The following MICALL1 variants were observed in gnomAD, a reference collection of about 807,000 sequenced individuals.
The protein encoded by MICALL1 is MICAL-like protein 1.
In MICALL1, 61 loss-of-function variants were observed where a neutral mutation model predicts 83.7. That is an observed-to-expected ratio of 0.73 (90% CI 0.59 to 0.90). The LOEUF is 0.90. Ranked by LOEUF, MICALL1 falls within the 40% of genes least tolerant of loss-of-function variation. The pLI, the probability that MICALL1 is intolerant of heterozygous loss-of-function variation, is 0.00. For synonymous variants in MICALL1, 481 were observed against 473.6 expected, an observed-to-expected ratio of 1.02 and a Z score of -0.20; for missense variants, 1,066 against 1,152.0, an observed-to-expected ratio of 0.93 and a Z score of 1.08.
chr22:37,930,255 G>A lies in MICALL1; in HGVS notation c.1882-1544G>A, dbSNP rs927975759. ...AGAGGGAGGGGGCAGAACCCCGGGT[G>A]CACTTGCTTGTGGGGAACCCCTGTC... On this transcript the variant is annotated intron_variant, in intron 9 of 15. Transcript: ENST00000215957. This position sits in a 1 kb window ranked among gnomAD's most constrained non-coding sequence, Gnocchi z 4.8. Among the ~76,000 whole-genome samples the A allele has an allele frequency of 1.3e-5, 2 of 152,218 alleles. No individual in the cohort carries two copies. Among genetic ancestry groups the A allele is most frequent in the Non-Finnish European group, 2.9e-5 (2 of 68,028 alleles).
chr22:37,941,164 C>T lies in MICALL1; in HGVS notation c.*334C>T, dbSNP rs1371616638. 1 of 231,374 alleles carries T rather than the reference C, an allele frequency of 4.3e-6. No individual in the cohort carries two copies. Among genetic ancestry groups the T allele is most frequent in the African/African-American group, 2.2e-5 (1 of 45,188 alleles). 14.3% of individuals were successfully genotyped at this position (231,374 alleles called of 1,614,324 possible). ...TGAGCACTTCCGCCCCTCACCCTGC[C>T]CAGCCCCTGCCATGAGCTCTGGGCT... On this transcript the variant is annotated 3_prime_UTR_variant, in exon 16 of 16. Transcript: ENST00000215957.
At chr22:37,939,700 G>C (rs1262590551) in intron 15 of MICALL1, among the ~76,000 whole-genome samples, 1 of 151,338 alleles carries the variant, frequency 6.6e-6, no homozygotes, top group Non-Finnish European at 1.5e-5. Flanking sequence ...CCTGAACCCA[G>C]GTGGCAGAGG....
At chr22:37,938,418 A>AAT (rs1555927932) in intron 15 of MICALL1, among the ~76,000 whole-genome samples, 228 of 151,468 alleles carry the variant, frequency 1.5e-3, no homozygotes, top group African/African-American at 5.3e-3. Context: ...AAAAAAAAAA[A>AAT]AAGTACTGGA....
intron 1 of MICALL1, 133 bp from the exon 2 acceptor site, chr22:37,911,819 C>A: frequency 3.6e-6 from 3 of 842,302 alleles, no homozygotes; most frequent in Non-Finnish European, 6.1e-6. Context: ...AGACTCCCCC[C>A]CAGCAACCCT....
In MICALL1 at chr22:37,924,185, G is replaced by A. The variant is rs1929272622; in HGVS notation, c.1025-475G>A. On this transcript the variant is annotated intron_variant, in intron 6 of 15. Transcript: ENST00000215957. The surrounding 1 kb of genome is among the most constrained non-coding windows in gnomAD (Gnocchi z 5.2). ...ATCTGAGCTGACCGCTGGGGACACAGATTACTGTTCAGGCCTATCTGTGCC... is the reference window on the plus strand; with the variant it reads ...ATCTGAGCTGACCGCTGGGGACACAAATTACTGTTCAGGCCTATCTGTGCC... Among the ~76,000 whole-genome samples the A allele has an allele frequency of 6.6e-6, 1 of 152,222 alleles. No individual in the cohort carries two copies. The highest frequency in any genetic ancestry group is 1.5e-5 in the Non-Finnish European group (1 of 68,044).
At chr22:37,936,185 G>T (rs1333639973) in intron 13 of MICALL1, among the ~76,000 whole-genome samples, 1 of 152,186 alleles carries the variant, frequency 6.6e-6, no homozygotes, top group Non-Finnish European at 1.5e-5. Context: ...GTTGGCTGGG[G>T]CCTTGAGAGG....
At chr22:37,933,632 G>C (rs917351896) in intron 13 of MICALL1, among the ~76,000 whole-genome samples, 1 of 152,180 alleles carries the variant, frequency 6.6e-6, no homozygotes, top group African/African-American at 2.4e-5. Flanking sequence ...CCATGTGGCC[G>C]AGTTGGGGTT....
Position 37,912,371 on chromosome 22 carries a change from G to A in MICALL1, c.216G>A (p.Lys72=). ...NNRLAFEVAE[K]ELGIPALLDP... ...CCCAGGCCTTTGAAGTGGCTGAGAAGGAGCTGGGGATCCCCGCTCTCCTGG... is the reference window on the plus strand; with the variant it reads ...CCCAGGCCTTTGAAGTGGCTGAGAAAGAGCTGGGGATCCCCGCTCTCCTGG... The change falls in exon 3 of 16, where the codon AAG becomes AAA. Residue 72 remains lysine (K), a synonymous_variant. Coordinates refer to ENST00000215957, the MANE Select transcript of MICALL1 (RefSeq NM_033386.4). 1.2e-6 allele frequency: 2 copies of A among 1,612,870 alleles called. No homozygotes were observed. The highest frequency in any genetic ancestry group is 1.7e-6 in the Non-Finnish European group (2 of 1,179,126).
rs541540839 is a variant in MICALL1, at chr22:37,937,308, C to T, written c.2423+114C>T. On this transcript the variant is annotated intron_variant, in intron 14 of 15. Transcript: ENST00000215957. Reference sequence around the variant, plus strand: ...CCAAAGACACAGTCCACGCCTCAGGCCAGGCCAGCCCTGCCCTCCTACCAG... The same window carrying T: ...CCAAAGACACAGTCCACGCCTCAGGTCAGGCCAGCCCTGCCCTCCTACCAG... 3,180 of 828,408 alleles carry T rather than the reference C, an allele frequency of 3.8e-3. 7 individuals are homozygous for T. Among genetic ancestry groups the T allele is most frequent in the Non-Finnish European group, 4.9e-3 (2,605 of 536,346 alleles). The allele number at this position is 828,408 out of a possible 1,614,324, so 51.3% of individuals were successfully genotyped here. A position where few individuals can be genotyped will look rare whatever the true frequency, so the allele number is the denominator to read the frequency against.
chr22:37,916,394 A>G (rs1928679447), intron 3 of MICALL1, among the ~76,000 whole-genome samples: 1 of 152,228 alleles, frequency 6.6e-6, no homozygotes, highest in South Asian at 2.1e-4. Flanking sequence ...TGGCCCCTAA[A>G]TGCAAACCAT....
At position 37,932,041 on chromosome 22, in the gene MICALL1, G is replaced by A; in HGVS notation, c.2016+108G>A. ...TAAGGAGGCTGGCTGGCTAGGCAGTGGGCCTCAGATGCTCAAGAGAGCACT... is the reference window on the plus strand; with the variant it reads ...TAAGGAGGCTGGCTGGCTAGGCAGTAGGCCTCAGATGCTCAAGAGAGCACT... On this transcript the variant is annotated intron_variant, in intron 10 of 15. Coordinates refer to ENST00000215957, the MANE Select transcript of MICALL1 (RefSeq NM_033386.4). This position sits in a 1 kb window ranked among gnomAD's most constrained non-coding sequence, Gnocchi z 4.4. 1 of 1,480,896 alleles carries A rather than the reference G, an allele frequency of 6.8e-7. No individual in the cohort carries two copies. Among genetic ancestry groups the A allele is most frequent in the East Asian group, 2.3e-5 (1 of 43,600 alleles). The allele number at this position is 1,480,896 out of a possible 1,614,324, so 91.7% of individuals were successfully genotyped here. A position where few individuals can be genotyped will look rare whatever the true frequency, so the allele number is the denominator to read the frequency against.
At chr22:37,911,700 C>G (rs999295463) in intron 1 of MICALL1, among the ~76,000 whole-genome samples, 2 of 152,180 alleles carry the variant, frequency 1.3e-5, no homozygotes, top group African/African-American at 4.8e-5. Context: ...ATTTCCTAGC[C>G]TCTGCTTGGA....
At chr22:37,937,944 G>A in intron 15 of MICALL1, 152 bp downstream of exon 15, 2 of 953,674 alleles carry the variant, frequency 2.1e-6, no homozygotes, top group Admixed American at 2.1e-5. Context: ...AGAGGGCTGT[G>A]TGTAGCAAGA....
In MICALL1 at chr22:37,924,523, T is replaced by C. The variant is rs1929295582; in HGVS notation, c.1025-137T>C. 6.7e-6 allele frequency: 5 copies of C among 744,500 alleles called. No homozygotes were observed. The South Asian group carries it at 7.4e-5, about 11-fold the overall frequency. The allele number at this position is 744,500 out of a possible 1,614,324, so 46.1% of individuals were successfully genotyped here. Reference sequence around the variant, plus strand: ...CACCTGGGTGCTTATCTAATCTCCATGGGCTGGCCTGGGGAGGTGCGAGGG... The same window carrying C: ...CACCTGGGTGCTTATCTAATCTCCACGGGCTGGCCTGGGGAGGTGCGAGGG... On this transcript the variant is annotated intron_variant, in intron 6 of 15. Coordinates refer to ENST00000215957, the MANE Select transcript of MICALL1 (RefSeq NM_033386.4). The surrounding 1 kb of genome is among the most constrained non-coding windows in gnomAD (Gnocchi z 5.2).
Position 37,925,660 on chromosome 22 carries a change from G to A in MICALL1, c.1083-1G>A. On this transcript the variant is annotated splice_acceptor_variant, in intron 7 of 15. Transcript: ENST00000215957. LOFTEE classifies it high-confidence loss of function. The stretch of plus-strand genomic sequence containing the variant: ...TTTCTGCTGCTTCCCCCCTCCTCCA[G>A]GACACCAGCCCCCAGGAAGGACCCC... The A allele has an allele frequency of 6.3e-7, 1 of 1,586,660 alleles. No individual in the cohort carries two copies. The highest frequency in any genetic ancestry group is 2.3e-5 in the East Asian group (1 of 44,294).
rs750640188 is a variant in MICALL1, at chr22:37,931,788, C to T, written c.1882-11C>T. 2 of 1,614,028 alleles carry T rather than the reference C, an allele frequency of 1.2e-6. No homozygotes were observed. Among genetic ancestry groups the T allele is most frequent in the Non-Finnish European group, 1.7e-6 (2 of 1,179,950 alleles). Reference sequence around the variant, plus strand: ...CCAGGCTCACCCTCTGTCATGTCTCCTTCCCTTTAGTCCTCCTGCAAGGAG... The same window carrying T: ...CCAGGCTCACCCTCTGTCATGTCTCTTTCCCTTTAGTCCTCCTGCAAGGAG... On this transcript the variant is annotated splice_polypyrimidine_tract_variant and intron_variant, in intron 9 of 15. Coordinates refer to ENST00000215957, the MANE Select transcript of MICALL1 (RefSeq NM_033386.4).
rs982767788 is a variant in MICALL1, at chr22:37,942,728, C to T, written c.*1898C>T. On this transcript the variant is annotated 3_prime_UTR_variant, in exon 16 of 16. Transcript: ENST00000215957. ...GTGTTAACCAGGATGGTCTCGATCT[C>T]CTGACCTTGTGATCCACCCACCTTG... 7.2e-5 allele frequency: 11 copies of T among 152,212 alleles called. No individual in the cohort carries two copies. Among genetic ancestry groups the T allele is most frequent in the Admixed American group, 2.6e-4 (4 of 15,276 alleles). The allele number at this position is 152,212 out of a possible 1,614,324, so 9.4% of individuals were successfully genotyped here.
intron 13 of MICALL1, among the ~76,000 whole-genome samples, chr22:37,936,784 C>T (rs989489281): frequency 2.0e-5 from 3 of 151,572 alleles, no homozygotes; most frequent in Admixed American, 1.3e-4. Flanking sequence ...CCCAGCTACT[C>T]GGGAGGCTGA....
chr22:37,924,994 G>A lies in MICALL1; in HGVS notation c.1082+277G>A, dbSNP rs1176909089. 6.6e-6 allele frequency among the ~76,000 whole-genome samples: 1 copy of A among 152,208 alleles called. No homozygotes were observed. The highest frequency in any genetic ancestry group is 1.5e-5 in the Non-Finnish European group (1 of 68,034). Reference sequence around the variant, plus strand: ...TTGCCTCTCCAGGCTCCTTTGCCCTGTAACATGGGAGGCCGAGGCTTGATT... The same window carrying A: ...TTGCCTCTCCAGGCTCCTTTGCCCTATAACATGGGAGGCCGAGGCTTGATT... On this transcript the variant is annotated intron_variant, in intron 7 of 15. Transcript: ENST00000215957. The surrounding 1 kb of genome is among the most constrained non-coding windows in gnomAD (Gnocchi z 5.2).
Sources: gnomAD v4.1 joint callset for allele counts (sites outside exome capture counted in the v4.1 genomes callset) on GRCh38, gnomAD v4.1.1 for gene constraint, Gnocchi (gnomAD v3.1) non-coding constraint, MANE v1.5 for transcripts, NCBI Gene and HGNC (gene_info 2026-07-23, HGNC 2026-07-21) for gene names.